Variants in NT5DC1 observed in about 807,000 individuals in gnomAD.
NT5DC1 encodes 5'-nucleotidase domain-containing protein 1.
NT5DC1 carries 42 observed loss-of-function variants against 59.4 expected under a neutral mutation model. The ratio of observed to expected loss-of-function variants is 0.71; its 90% CI spans 0.55 to 0.92. The LOEUF is 0.92. Ranked by LOEUF, NT5DC1 falls within the 40% of genes least tolerant of loss-of-function variation. NT5DC1 has a pLI of 0.00. For synonymous variants in NT5DC1, 172 were observed against 188.1 expected, an observed-to-expected ratio of 0.91 and a Z score of 0.70; for missense variants, 501 against 537.1, an observed-to-expected ratio of 0.93 and a Z score of 0.66.
rs185930918 is a variant in NT5DC1, at chr6:116,107,059, G to A, written c.185+724G>A. Among the ~76,000 whole-genome samples the A allele has an allele frequency of 2.2e-4, 34 of 151,652 alleles. 1 individual carries two copies. In the East Asian group the frequency reaches 5.8e-3, roughly 26 times the overall value. Reference sequence around the variant, plus strand: ...TAAAAAATAATTAGCCAGGTGAGGTGGCACGTGCTTGTATTTCCAGCTACT... The same window carrying A: ...TAAAAAATAATTAGCCAGGTGAGGTAGCACGTGCTTGTATTTCCAGCTACT... On this transcript the variant is annotated intron_variant, in intron 2 of 11. Coordinates refer to ENST00000319550, the MANE Select transcript of NT5DC1 (RefSeq NM_152729.3).
chr6:116,134,857 TATAG>T (rs1486237279), intron 6 of NT5DC1, among the ~76,000 whole-genome samples: 2 of 152,100 alleles, frequency 1.3e-5, no homozygotes, highest in Non-Finnish European at 2.9e-5. Context: ...GGTAGGAGGA[TATAG>T]ATGTAAGAGG....
intron 6 of NT5DC1, among the ~76,000 whole-genome samples, chr6:116,200,568 C>G (rs1781327816): frequency 6.6e-6 from 1 of 151,858 alleles, no homozygotes. Context: ...TTTTAAAAAG[C>G]ATAGCTAAAT....
intron 6 of NT5DC1, among the ~76,000 whole-genome samples, chr6:116,176,020 A>G (rs922762532): frequency 6.6e-6 from 1 of 152,114 alleles, no homozygotes; most frequent in African/African-American, 2.4e-5. Context: ...ACATTGTGTG[A>G]ACATTAGGCA....
At chr6:116,202,028 T>C (rs1781359209) in intron 6 of NT5DC1, among the ~76,000 whole-genome samples, 2 of 151,994 alleles carry the variant, frequency 1.3e-5, no homozygotes, top group South Asian at 4.2e-4. Flanking sequence ...ATATCCAGGC[T>C]GTCCAGTGTG....
At position 116,106,264 on chromosome 6, in the gene NT5DC1, C is replaced by T. The variant is rs1201917237; in HGVS notation, c.114C>T (p.Ala38=). 1 of 1,569,750 alleles carries T rather than the reference C, an allele frequency of 6.4e-7. No homozygotes were observed. Among genetic ancestry groups the T allele is most frequent in the East Asian group, 2.2e-5 (1 of 44,650 alleles). ...TGCAGCTCATTTATAATAGCTTTGC[C>T]CAGTTCCTAGTTAAGGAGAAAGGGT... ...ESAPLIYNSF[A]QFLVKEKGYD... is the part of the protein sequence containing the mutation. The change falls in exon 2 of 12, where the codon GCC becomes GCT. Residue 38 remains alanine (A), a synonymous_variant. Coordinates refer to ENST00000319550, the MANE Select transcript of NT5DC1 (RefSeq NM_152729.3).
At chr6:116,200,003 G>GA (rs1248879458) in intron 6 of NT5DC1, among the ~76,000 whole-genome samples, 1 of 150,984 alleles carries the variant, frequency 6.6e-6, no homozygotes, top group African/African-American at 2.5e-5. Flanking sequence ...GGAAAGTGGG[G>GA]GGGGAAGAGT....
chr6:116,185,102 C>T (rs1223201053), intron 6 of NT5DC1, among the ~76,000 whole-genome samples: 2 of 152,012 alleles, frequency 1.3e-5, no homozygotes, highest in African/African-American at 4.8e-5. Context: ...AAATTTCCAT[C>T]TTGAGTTCAT....
chr6:116,129,797 C>T (rs1779417729), intron 6 of NT5DC1, among the ~76,000 whole-genome samples: 2 of 152,158 alleles, frequency 1.3e-5, no homozygotes, highest in African/African-American at 2.4e-5. Context: ...TGTTGAAAAG[C>T]CGTGTCATCT....
chr6:116,121,380 T>A, intron 6 of NT5DC1: 2 of 1,613,800 alleles, frequency 1.2e-6, no homozygotes, highest in Non-Finnish European at 1.7e-6. Flanking sequence ...GGTGGGCCAA[T>A]TGGTCCCATT....
intron 6 of NT5DC1, among the ~76,000 whole-genome samples, chr6:116,212,079 A>C (rs374275350): frequency 3.9e-5 from 6 of 152,234 alleles, no homozygotes; most frequent in Admixed American, 3.9e-4. Context: ...CAAAGAAATT[A>C]TTTCATTATT....
In NT5DC1 at chr6:116,176,866, T is replaced by C. The variant is rs181773420; in HGVS notation, c.530-44188T>C. Among the ~76,000 whole-genome samples the C allele has an allele frequency of 2.6e-4, 39 of 152,306 alleles. No homozygotes were observed. In the East Asian group the frequency reaches 6.9e-3, roughly 27 times the overall value. On this transcript the variant is annotated intron_variant, in intron 6 of 11. Transcript: ENST00000319550. ...TCTTGCCTGGCTGACTGTCCTGTGA[T>C]CTTCTCACTTCTCCAAGTGCAGCAT...
chr6:116,110,993 C>G lies in NT5DC1; in HGVS notation c.364+37C>G, dbSNP rs2114903452. On this transcript the variant is annotated intron_variant, in intron 4 of 11. Transcript: ENST00000319550. ...ATGAGGCAGCTCCACCATCCGCTCC[C>G]TGTTTGTTTTGTACCCTAAACCTTT... 4 of 1,378,906 alleles carry G rather than the reference C, an allele frequency of 2.9e-6. No homozygotes were observed. The East Asian group carries it at 9.2e-5, about 32-fold the overall frequency. The allele number at this position is 1,378,906 out of a possible 1,614,324, so 85.4% of individuals were successfully genotyped here.
At position 116,122,849 on chromosome 6, in the gene NT5DC1, A is replaced by C. The variant is rs140230341; in HGVS notation, c.529+4904A>C. Among the ~76,000 whole-genome samples, 522 of 152,342 alleles carry C rather than the reference A, an allele frequency of 3.4e-3. 2 individuals are homozygous for C. Among genetic ancestry groups the C allele is most frequent in the African/African-American group, 0.012 (495 of 41,586 alleles). On this transcript the variant is annotated intron_variant, in intron 6 of 11. Coordinates refer to ENST00000319550, the MANE Select transcript of NT5DC1 (RefSeq NM_152729.3). Reference sequence around the variant, plus strand: ...TTTTACTAATTAGAGTTATATTTCAATTTGAAAACATTGATTAATATAAAT... The same window carrying C: ...TTTTACTAATTAGAGTTATATTTCACTTTGAAAACATTGATTAATATAAAT...
At chr6:116,238,721 A>G (rs1782172347) in intron 10 of NT5DC1, among the ~76,000 whole-genome samples, 1 of 152,138 alleles carries the variant, frequency 6.6e-6, no homozygotes, top group Admixed American at 6.5e-5. Flanking sequence ...TGTTTGGGCT[A>G]GTTTTCAGAT....
rs557151077 is a variant in NT5DC1, at chr6:116,243,797, T to C, written c.1253-112T>C. The C allele has an allele frequency of 7.4e-4, 400 of 542,464 alleles. 3 individuals are homozygous for C. The highest frequency in any genetic ancestry group is 6.7e-3 in the African/African-American group (351 of 52,264). The allele number at this position is 542,464 out of a possible 1,614,324, so 33.6% of individuals were successfully genotyped here. A position where few individuals can be genotyped will look rare whatever the true frequency, so the allele number is the denominator to read the frequency against. On this transcript the variant is annotated intron_variant, in intron 11 of 11. Transcript: ENST00000319550. ...ACCTACTGAAGGAGCAAAAGAAATA[T>C]TAAAATTTTACGTCTAAAAAATAAG...
At chr6:116,102,361 T>C (rs1039214373) in intron 1 of NT5DC1, among the ~76,000 whole-genome samples, 6 of 152,234 alleles carry the variant, frequency 3.9e-5, no homozygotes, top group African/African-American at 1.4e-4. Flanking sequence ...TTTCCTGCTT[T>C]CTTACCTTAC....
At chr6:116,184,948 C>T (rs961667663) in intron 6 of NT5DC1, among the ~76,000 whole-genome samples, 2 of 151,836 alleles carry the variant, frequency 1.3e-5, no homozygotes, top group Non-Finnish European at 2.9e-5. Flanking sequence ...ATTTCTCTAG[C>T]TCCTTGAGTG....
intron 6 of NT5DC1, among the ~76,000 whole-genome samples, chr6:116,136,760 A>C (rs2114350048): frequency 6.6e-6 from 1 of 152,314 alleles, no homozygotes; most frequent in East Asian, 1.9e-4. Flanking sequence ...ACAATAAGCT[A>C]TTCTTGGCCT....
intron 6 of NT5DC1, among the ~76,000 whole-genome samples, chr6:116,213,558 A>T (rs967347393): frequency 6.6e-6 from 1 of 151,992 alleles, no homozygotes; most frequent in Non-Finnish European, 1.5e-5. Flanking sequence ...ATTAACTCCA[A>T]CTCTAGACAT....
Sources: gnomAD v4.1 joint callset for allele counts (sites outside exome capture counted in the v4.1 genomes callset) on GRCh38, gnomAD v4.1.1 for gene constraint, MANE v1.5 for transcripts, NCBI Gene and HGNC (gene_info 2026-07-23, HGNC 2026-07-21) for gene names.